The following RCSD1 variants were observed in gnomAD, a reference collection of about 807,000 sequenced individuals.
RCSD1 encodes the protein capZ-interacting protein.
In RCSD1, 26 loss-of-function variants were observed where a neutral mutation model predicts 42.5. That is an observed-to-expected ratio of 0.61 (90% CI 0.45 to 0.85). The LOEUF (loss-of-function observed/expected upper bound fraction) is 0.85. Ranked by LOEUF, RCSD1 falls within the 40% of genes least tolerant of loss-of-function variation. RCSD1 has a pLI of 0.00. For missense variants in RCSD1, 571 were observed against 528.3 expected (o/e 1.08, Z -0.79); for synonymous variants, 220 against 212.2 (o/e 1.04, Z -0.32).
At chr1:167,687,394 G>A (rs968577019) in intron 3 of RCSD1, among the ~76,000 whole-genome samples, 6 of 152,162 alleles carry the variant, frequency 3.9e-5, no homozygotes, top group African/African-American at 1.2e-4. Flanking sequence ...GTGGTGGCAG[G>A]CGCCTGTAGT....
rs1659790501 is a variant in RCSD1, at chr1:167,707,686, A to C, written c.*2990A>C. Among the ~76,000 whole-genome samples, 1 of 151,094 alleles carries C rather than the reference A, an allele frequency of 6.6e-6. No individual in the cohort carries two copies. Among genetic ancestry groups the C allele is most frequent in the East Asian group, 1.9e-4 (1 of 5,142 alleles). ...CTTTTCTCTTCTTTTTTTTTGAATGAGACAGAGTCTCGCGCTGTCACTCAG... is the reference window on the plus strand; with the variant it reads ...CTTTTCTCTTCTTTTTTTTTGAATGCGACAGAGTCTCGCGCTGTCACTCAG... On this transcript the variant is annotated 3_prime_UTR_variant, in exon 7 of 7. Coordinates refer to ENST00000367854, the MANE Select transcript of RCSD1 (RefSeq NM_052862.4).
chr1:167,644,095 G>A (rs1658070076), intron 1 of RCSD1, among the ~76,000 whole-genome samples: 1 of 152,154 alleles, frequency 6.6e-6, no homozygotes, highest in East Asian at 1.9e-4. Flanking sequence ...GGAGACTAGG[G>A]GAGGCTTGGG....
Position 167,697,076 on chromosome 1 carries a change from C to T in RCSD1, c.475-23C>T, listed in dbSNP as rs763190875. The T allele has an allele frequency of 2.5e-6, 4 of 1,588,200 alleles. No individual in the cohort carries two copies. In the Admixed American group the frequency reaches 7.2e-5, roughly 29 times the overall value. ...CCTTTTTTTATGAGTTTTTGGATAA[C>T]TTTCCTTAACACTTTCTTCTAGGTG... On this transcript the variant is annotated intron_variant, in intron 5 of 6. Coordinates refer to ENST00000367854, the MANE Select transcript of RCSD1 (RefSeq NM_052862.4).
rs12403845 is a variant in RCSD1 at position 167,652,439 on chromosome 1, T to C, written c.6+22010T>C. 9.6e-4 allele frequency among the ~76,000 whole-genome samples: 146 copies of C among 152,306 alleles called. 3 individuals are homozygous for C. The highest frequency in any genetic ancestry group is 6.6e-3 in the Admixed American group (101 of 15,306). The stretch of plus-strand genomic sequence containing the variant: ...AAGATGAAACCTCACCGGGCCCAGA[T>C]ACTTGAGTGTATTTTCAGCCAGAGG... On this transcript the variant is annotated intron_variant, in intron 1 of 6. Transcript: ENST00000367854.
intron 1 of RCSD1, among the ~76,000 whole-genome samples, chr1:167,646,506 TTTTTC>T (rs1396155987): frequency 3.4e-4 from 3 of 8,702 alleles, no homozygotes; most frequent in Non-Finnish European, 6.2e-4. Flanking sequence ...CTTAGAGTTT[TTTTTC>T]TTTTTCTTTT....
intron 1 of RCSD1, among the ~76,000 whole-genome samples, chr1:167,673,897 A>G (rs1055198694): frequency 1.3e-5 from 2 of 152,066 alleles, no homozygotes; most frequent in African/African-American, 2.4e-5. Context: ...CGTAAACATC[A>G]CTTCCTCTGT....
At position 167,694,145 on chromosome 1, in the gene RCSD1, C is replaced by T. The variant is rs772875733; in HGVS notation, c.317C>T (p.Pro106Leu). ...GCTGCTCTACTGCCTGGGGCCTCAC[C>T]CAAGAGTCCTGGACTCAAGGCTATG... Reference protein sequence around the residue: ...DPAALLPGASPKSPGLKAMVS... With the variant: ...DPAALLPGASLKSPGLKAMVS... Residue 106 changes from proline to leucine, a missense_variant, in exon 5 of 7, where the codon CCC becomes CTC. Pro to Leu is a moderately conservative substitution (Grantham distance 98, BLOSUM62 -3). Coordinates refer to ENST00000367854, the MANE Select transcript of RCSD1 (RefSeq NM_052862.4). 8 of 1,614,024 alleles carry T rather than the reference C, an allele frequency of 5.0e-6. No individual in the cohort carries two copies. The highest frequency in any genetic ancestry group is 6.8e-6 in the Non-Finnish European group (8 of 1,180,028).
chr1:167,630,286 C>G lies in RCSD1; in HGVS notation c.-138C>G. 2 of 941,586 alleles carry G rather than the reference C, an allele frequency of 2.1e-6. No homozygotes were observed. The highest frequency in any genetic ancestry group is 3.6e-5 in the East Asian group (1 of 27,598). The allele number at this position is 941,586 out of a possible 1,614,324, so 58.3% of individuals were successfully genotyped here. On this transcript the variant is annotated 5_prime_UTR_variant, in exon 1 of 7. Coordinates refer to ENST00000367854, the MANE Select transcript of RCSD1 (RefSeq NM_052862.4). The stretch of plus-strand genomic sequence containing the variant: ...AGTCCCGCAGCCGAGCGCAGCCGGG[C>G]GCGCGCCACCGCCCACTCGCCCTGT...
At chr1:167,701,861 A>G (rs1298610611) in intron 6 of RCSD1, among the ~76,000 whole-genome samples, 1 of 152,228 alleles carries the variant, frequency 6.6e-6, no homozygotes, top group Non-Finnish European at 1.5e-5. Context: ...AACCATCAGT[A>G]AGAACAATTA....
chr1:167,678,623 C>T (rs1344690530), intron 1 of RCSD1, among the ~76,000 whole-genome samples: 1 of 152,222 alleles, frequency 6.6e-6, no homozygotes, highest in African/African-American at 2.4e-5. Context: ...TGCTCACCCT[C>T]TTCCACTCCT....
At chr1:167,701,312 C>CTTTCTTTA (rs1324726075) in intron 6 of RCSD1, among the ~76,000 whole-genome samples, 20 of 137,838 alleles carry the variant, frequency 1.5e-4, no homozygotes, top group Admixed American at 1.4e-3. Context: ...TTCTTTCTTT[C>CTTTCTTTA]TTTCTTTTTT....
intron 4 of RCSD1, among the ~76,000 whole-genome samples, chr1:167,690,680 C>T (rs74120629): frequency 0.021 from 3,235 of 151,234 alleles, 46 homozygotes; most frequent in African/African-American, 0.032. Flanking sequence ...TCTTCAAAAA[C>T]GAAAAGAAAA....
chr1:167,700,684 A>T (rs1030159034), intron 6 of RCSD1, among the ~76,000 whole-genome samples: 3 of 152,000 alleles, frequency 2.0e-5, no homozygotes, highest in Non-Finnish European at 4.4e-5. Context: ...ACAACAAAAA[A>T]ACTTTCCATT....
At chr1:167,656,847 G>C (rs1658436385) in intron 1 of RCSD1, among the ~76,000 whole-genome samples, 2 of 152,162 alleles carry the variant, frequency 1.3e-5, no homozygotes, top group African/African-American at 4.8e-5. Flanking sequence ...CTCTAAAGGG[G>C]GTCATTGCTC....
chr1:167,683,759 T>C, intron 1 of RCSD1, 141 bp from the exon 2 acceptor site: 1 of 805,110 alleles, frequency 1.2e-6, no homozygotes, highest in African/African-American at 1.7e-5. Context: ...TTTTAAGTCC[T>C]TGAATGCAGG....
intron 5 of RCSD1, among the ~76,000 whole-genome samples, chr1:167,696,730 G>A (rs1659505952): frequency 1.3e-5 from 2 of 152,132 alleles, no homozygotes; most frequent in Non-Finnish European, 2.9e-5. Context: ...TGGATTACAT[G>A]TGTGAGCCAC....
chr1:167,639,730 G>C (rs995099275), intron 1 of RCSD1, among the ~76,000 whole-genome samples: 4 of 152,210 alleles, frequency 2.6e-5, no homozygotes, highest in African/African-American at 9.6e-5. Context: ...CTGACCTCAG[G>C]TGATCCACCT....
chr1:167,681,827 C>G (rs1304536773), intron 1 of RCSD1, among the ~76,000 whole-genome samples: 1 of 152,130 alleles, frequency 6.6e-6, no homozygotes, highest in African/African-American at 2.4e-5. Context: ...CACACTGTCC[C>G]CAAGCCTCTC....
At chr1:167,637,119 T>A (rs1657879607) in intron 1 of RCSD1, among the ~76,000 whole-genome samples, 1 of 152,148 alleles carries the variant, frequency 6.6e-6, no homozygotes, top group African/African-American at 2.4e-5. Flanking sequence ...AAATAATTTC[T>A]GAGTTGAATC....
Sources: gnomAD v4.1 joint callset for allele counts (sites outside exome capture counted in the v4.1 genomes callset) on GRCh38, gnomAD v4.1.1 for gene constraint, MANE v1.5 for transcripts, NCBI Gene and HGNC (gene_info 2026-07-23, HGNC 2026-07-21) for gene names.